Variants in HERPUD1 observed in about 807,000 individuals in gnomAD.
HERPUD1 encodes homocysteine inducible ER protein with ubiquitin like domain 1.
A neutral mutation model predicts 45.0 loss-of-function variants in HERPUD1; 17 were observed. The ratio of observed to expected loss-of-function variants is 0.38; its 90% CI spans 0.26 to 0.57. The LOEUF (loss-of-function observed/expected upper bound fraction) is 0.57. Among genes scored for constraint, HERPUD1 ranks in the 20% least tolerant of loss-of-function variants. The pLI, the probability that HERPUD1 is intolerant of heterozygous loss-of-function variation, is 0.72. For synonymous variants in HERPUD1, 164 were observed against 177.5 expected, an observed-to-expected ratio of 0.92 and a Z score of 0.61; for missense variants, 420 against 490.5, an observed-to-expected ratio of 0.86 and a Z score of 1.36.
At chr16:56,935,052 A>G in intron 1 of HERPUD1, 183 bp from the exon 2 acceptor site, 2 of 581,310 alleles carry the variant, frequency 3.4e-6, no homozygotes, top group Non-Finnish European at 6.2e-6. Context: ...GTTAGAGACC[A>G]GTTAAAGTTA....
At chr16:56,932,585 CG>C (rs2055835167) in intron 1 of HERPUD1, among the ~76,000 whole-genome samples, 194 bp downstream of exon 1, 1 of 152,242 alleles carries the variant, frequency 6.6e-6, no homozygotes, top group South Asian at 2.1e-4. Context: ...GCCCAGTAGC[CG>C]TCAGTAATCA....
Position 56,932,228 on chromosome 16 carries a change from A to ACACCGC in HERPUD1, c.-15_-10dup, listed in dbSNP as rs749069286. ...CACCTAGGAGCGCAGCGGAGCCCCGACACCGCCGCCGCCGCCATGGAGTCC... is the reference window on the plus strand; with the variant it reads ...CACCTAGGAGCGCAGCGGAGCCCCGACACCGCCACCGCCGCCGCCGCCATGGAGTCC... On this transcript the variant is annotated 5_prime_UTR_variant, in exon 1 of 8. Transcript: ENST00000439977. 7 of 1,603,516 alleles carry ACACCGC rather than the reference A, an allele frequency of 4.4e-6. No homozygotes were observed. Among genetic ancestry groups the ACACCGC allele is most frequent in the East Asian group, 2.2e-5 (1 of 44,768 alleles).
intron 1 of HERPUD1, among the ~76,000 whole-genome samples, chr16:56,934,723 TTTTTTTG>T (rs2055852186): frequency 7.2e-6 from 1 of 139,712 alleles, no homozygotes; most frequent in African/African-American, 2.7e-5. Context: ...TTTTTTTTTT[TTTTTTTG>T]AGATAGGGTC....
intron 1 of HERPUD1, among the ~76,000 whole-genome samples, chr16:56,933,924 A>C (rs2055845723): frequency 6.6e-6 from 1 of 152,216 alleles, no homozygotes; most frequent in Admixed American, 6.5e-5. Flanking sequence ...AAATTCACGT[A>C]TGTATTAGCA....
intron 4 of HERPUD1, chr16:56,937,551 A>C (rs759485241): frequency 9.2e-5 from 14 of 151,956 alleles, no homozygotes; most frequent in Non-Finnish European, 1.9e-4. Context: ...ATTAATCCCC[A>C]CACCATCACC....
In HERPUD1 at chr16:56,932,143, C is replaced by G. The variant is rs376320735; in HGVS notation, c.-102C>G. The G allele has an allele frequency of 1.8e-5, 28 of 1,541,172 alleles. No homozygotes were observed. The highest frequency in any genetic ancestry group is 1.5e-4 in the East Asian group (6 of 41,230). On this transcript the variant is annotated 5_prime_UTR_variant, in exon 1 of 8. Coordinates refer to ENST00000439977, the MANE Select transcript of HERPUD1 (RefSeq NM_014685.4). The stretch of plus-strand genomic sequence containing the variant: ...AAGGCGCCCGAAGCGGGGGCGCGCG[C>G]CCCAGAGACGTGAACTGTCGTTGCA...
intron 1 of HERPUD1, among the ~76,000 whole-genome samples, chr16:56,934,315 A>G (rs2055848703): frequency 6.6e-6 from 1 of 152,112 alleles, no homozygotes; most frequent in African/African-American, 2.4e-5. Context: ...AATCACTGAT[A>G]TGGAGGAGAA....
rs780324719 is a variant in HERPUD1 at position 56,932,311 on chromosome 16, G to A, written c.67G>A (p.Asp23Asn). 1.7e-5 allele frequency: 27 copies of A among 1,608,072 alleles called. No individual in the cohort carries two copies. Among genetic ancestry groups the A allele is most frequent in the Non-Finnish European group, 2.2e-5 (26 of 1,178,976 alleles). Reference sequence around the variant, plus strand: ...GAAGAGCCCCAACCAGCGCCACCGCGACTTGGAGCTGAGTGGCGACCGCGG... The same window carrying A: ...GAAGAGCCCCAACCAGCGCCACCGCAACTTGGAGCTGAGTGGCGACCGCGG... The part of the protein sequence containing the change: ...LVKSPNQRHR[D>N]LELSGDRGWS... Residue 23 changes from aspartate to asparagine, a missense_variant, in exon 1 of 8, where the codon GAC (aspartate) becomes AAC (asparagine). By Grantham distance (23) the Asp-to-Asn change is conservative (BLOSUM62 1). Coordinates refer to ENST00000439977, the MANE Select transcript of HERPUD1 (RefSeq NM_014685.4).
chr16:56,938,772 C>T (rs993846397), intron 4 of HERPUD1, among the ~76,000 whole-genome samples: 1 of 152,034 alleles, frequency 6.6e-6, no homozygotes, highest in Admixed American at 6.5e-5. Flanking sequence ...CAGGTGATAC[C>T]ACATGCACAC....
At chr16:56,939,827 G>T in intron 5 of HERPUD1, 68 bp from the exon 6 acceptor site, 1 of 1,240,128 alleles carries the variant, frequency 8.1e-7, no homozygotes, top group South Asian at 1.4e-5. Flanking sequence ...AGACTGCTGT[G>T]TAAATAAGCC....
chr16:56,941,890 T>C, intron 6 of HERPUD1: 1 of 436,110 alleles, frequency 2.3e-6, no homozygotes, highest in Non-Finnish European at 4.2e-6. Context: ...GTGCATACTA[T>C]GTGCCAGGTG....
chr16:56,936,807 A>G lies in HERPUD1; in HGVS notation c.421A>G (p.Asn141Asp), dbSNP rs767464291. ...LRNLSSPGWE[N>D]ISRPEAAQQA... is the part of the protein sequence containing the mutation. ...GAACCTTTCTTCCCCTGGATGGGAA[A>G]ACATCTCAAGGTGAGTGTTATAATA... is the stretch of plus-strand genomic sequence containing the variant. Residue 141 changes from asparagine to aspartate, a missense_variant, in exon 4 of 8, where the codon AAC becomes GAC. Coordinates refer to ENST00000439977, the MANE Select transcript of HERPUD1 (RefSeq NM_014685.4). The G allele has an allele frequency of 6.2e-7, 1 of 1,613,956 alleles. No individual in the cohort carries two copies. The highest frequency in any genetic ancestry group is 8.5e-7 in the Non-Finnish European group (1 of 1,179,860).
chr16:56,936,608 C>G (rs1235119285), intron 3 of HERPUD1, 79 bp from the exon 4 acceptor site: 3 of 1,368,194 alleles, frequency 2.2e-6, no homozygotes, highest in Non-Finnish European at 2.9e-6. Context: ...AAGCCCTTGA[C>G]AGCAAAATAA....
intron 7 of HERPUD1, 30 bp from the exon 8 acceptor site, chr16:56,943,096 T>C: frequency 6.2e-7 from 1 of 1,607,964 alleles, no homozygotes; most frequent in Non-Finnish European, 8.5e-7. Flanking sequence ...TTCTCATTGT[T>C]TCATTACCTC....
rs778616718 is a variant in HERPUD1, at chr16:56,932,239, G to A, written c.-6G>A. On this transcript the variant is annotated 5_prime_UTR_variant, in exon 1 of 8. Coordinates refer to ENST00000439977, the MANE Select transcript of HERPUD1 (RefSeq NM_014685.4). ...GCAGCGGAGCCCCGACACCGCCGCC[G>A]CCGCCATGGAGTCCGAGACCGAACC... The A allele has an allele frequency of 1.7e-5, 28 of 1,606,036 alleles. No homozygotes were observed. The Admixed American group carries it at 4.7e-4, about 27-fold the overall frequency.
intron 7 of HERPUD1, 72 bp from the exon 8 acceptor site, chr16:56,943,054 A>G: frequency 6.7e-7 from 1 of 1,489,114 alleles, no homozygotes; most frequent in South Asian, 1.2e-5. Flanking sequence ...CTTTCCTAAC[A>G]TTATTTGGTG....
Position 56,943,305 on chromosome 16 carries a change from TA to T in HERPUD1, c.*16del, listed in dbSNP as rs1489031577. The T allele has an allele frequency of 1.9e-6, 3 of 1,613,980 alleles. No individual in the cohort carries two copies. The highest frequency in any genetic ancestry group is 2.5e-6 in the Non-Finnish European group (3 of 1,179,994). ...TCGCAAACTGATGGTGTTTGTGCTG[TA>T]GCTGTTGGAGGCTTTGACAGGAATG... On this transcript the variant is annotated 3_prime_UTR_variant, in exon 8 of 8. Transcript: ENST00000439977.
chr16:56,941,636 A>G (rs1344502541), intron 6 of HERPUD1: 1 of 152,188 alleles, frequency 6.6e-6, no homozygotes, highest in Non-Finnish European at 1.5e-5. Flanking sequence ...TATAATGAAC[A>G]CTCAAATATC....
intron 4 of HERPUD1, among the ~76,000 whole-genome samples, chr16:56,938,219 A>G (rs1249778748): frequency 2.6e-5 from 4 of 152,174 alleles, no homozygotes; most frequent in African/African-American, 9.7e-5. Context: ...GCCAAAGATG[A>G]CTCGCATACA....
Sources: allele counts gnomAD v4.1 joint callset (sites outside exome capture counted in the v4.1 genomes callset), GRCh38; gene constraint gnomAD v4.1.1; transcripts MANE v1.5; gene names NCBI Gene and HGNC (gene_info 2026-07-23, HGNC 2026-07-21).